The following MYO5A variants were observed in gnomAD, a reference collection of about 807,000 sequenced individuals.
The protein encoded by MYO5A is unconventional myosin-Va.
In MYO5A, 98 loss-of-function variants were observed where a neutral mutation model predicts 249.7. That is an observed-to-expected ratio of 0.39 (90% confidence interval 0.33 to 0.46). The LOEUF is 0.46. Ranked by LOEUF, MYO5A falls within the 20% of genes least tolerant of loss-of-function variation. The probability of loss-of-function intolerance (pLI) is 0.98; values close to 1 mark genes in which losing one functional copy is unlikely to be tolerated. For missense variants in MYO5A, 1,696 were observed against 2,308.8 expected (o/e 0.73, Z 5.44); for synonymous variants, 778 against 810.6 (o/e 0.96, Z 0.68).
At chr15:52,421,237 G>A (rs998541582) in intron 4 of MYO5A, among the ~76,000 whole-genome samples, 3 of 152,136 alleles carry the variant, frequency 2.0e-5, no homozygotes, top group Non-Finnish European at 2.9e-5. Flanking sequence ...CCAGTGAACC[G>A]CTGGACCGTG....
intron 22 of MYO5A, among the ~76,000 whole-genome samples, chr15:52,367,453 T>C (rs2040865238): frequency 6.6e-6 from 1 of 152,164 alleles, no homozygotes; most frequent in Non-Finnish European, 1.5e-5. Context: ...GGTTTTTTAC[T>C]TTACATTAAA....
intron 12 of MYO5A, among the ~76,000 whole-genome samples, chr15:52,390,817 T>G (rs1046583300): frequency 6.6e-6 from 1 of 152,050 alleles, no homozygotes; most frequent in Non-Finnish European, 1.5e-5. Flanking sequence ...CCTCAGCCTC[T>G]CAAAGTGCTG....
In MYO5A at chr15:52,353,614, C is replaced by G; in HGVS notation, c.3612G>C (p.Glu1204Asp). ...PQIRGAELEY[E>D]SLKRQELESE... ...AGAAACTCCCCATTACCTTGAGTGA[C>G]TCATATTCCAGTTCTGCACCTCTAA... The change falls in exon 27 of 42, where the codon GAG (glutamate) becomes GAC (aspartate). Residue 1204 changes from glutamate (E) to aspartate (D), a missense_variant. Glu to Asp is a conservative substitution (Grantham distance 45). Transcript: ENST00000399233. 6.2e-7 allele frequency: 1 copy of G among 1,614,016 alleles called. No homozygotes were observed. Among genetic ancestry groups the G allele is most frequent in the Non-Finnish European group, 8.5e-7 (1 of 1,179,858 alleles).
Position 52,433,073 on chromosome 15 carries a change from T to C in MYO5A, c.138+102A>G, listed in dbSNP as rs527574475. 123 of 892,830 alleles carry C rather than the reference T, an allele frequency of 1.4e-4. 1 individual carries two copies. The African/African-American group carries it at 1.9e-3, about 14-fold the overall frequency. 55.3% of individuals were successfully genotyped at this position (892,830 alleles called of 1,614,324 possible). On this transcript the variant is annotated intron_variant, in intron 2 of 41. Transcript: ENST00000399233. Reference sequence around the variant, plus strand: ...TTAGTAAGTAAAAATTCTAGGTAAGTTCAAAATTTAACTTCCATTGGGAGT... The same window carrying C: ...TTAGTAAGTAAAAATTCTAGGTAAGCTCAAAATTTAACTTCCATTGGGAGT...
chr15:52,448,723 T>C (rs755793703), intron 1 of MYO5A, among the ~76,000 whole-genome samples: 20 of 151,992 alleles, frequency 1.3e-4, no homozygotes, highest in Admixed American at 9.8e-4. Context: ...TGATAGCGAA[T>C]TATACCAAGA....
intron 1 of MYO5A, among the ~76,000 whole-genome samples, chr15:52,436,488 C>A (rs868338474): frequency 6.6e-6 from 1 of 152,220 alleles, no homozygotes; most frequent in South Asian, 2.1e-4. Flanking sequence ...TTCAGAGAGG[C>A]CTTCCCAGAC....
chr15:52,511,512 T>C (rs968222969), intron 1 of MYO5A, among the ~76,000 whole-genome samples: 3 of 152,238 alleles, frequency 2.0e-5, no homozygotes, highest in Non-Finnish European at 1.5e-5. Context: ...GAGGCTATCA[T>C]TCCATTAAAT....
chr15:52,417,118 T>C (rs1258521893), intron 4 of MYO5A, among the ~76,000 whole-genome samples: 2 of 152,090 alleles, frequency 1.3e-5, no homozygotes, highest in Non-Finnish European at 2.9e-5. Flanking sequence ...TACTTATAAA[T>C]TAAAAAATAA....
At position 52,307,981 on chromosome 15, in the gene MYO5A, C is replaced by T. The variant is rs544014533; in HGVS notation, c.*5715G>A. On this transcript the variant is annotated 3_prime_UTR_variant, in exon 42 of 42. Coordinates refer to ENST00000399233, the MANE Select transcript of MYO5A (RefSeq NM_001382347.1). ...AAAAAATAATGGCTCAAATGATTTA[C>T]GGAGCCTGAAATGTGGGCTAAAATT... 12 of 152,138 alleles carry T rather than the reference C, an allele frequency of 7.9e-5. No homozygotes were observed. Among genetic ancestry groups the T allele is most frequent in the African/African-American group, 2.4e-4 (10 of 41,508 alleles). 9.4% of individuals were successfully genotyped at this position (152,138 alleles called of 1,614,324 possible). A position where few individuals can be genotyped will look rare whatever the true frequency, so the allele number is the denominator to read the frequency against.
In MYO5A at chr15:52,330,333, C is replaced by A. The variant is rs771838040; in HGVS notation, c.4555+20G>T. ...CCCATGTGCCAGAAGGAACTTTTAT[C>A]CAATGCAGAAAATACTTGCCCAGAA... On this transcript the variant is annotated intron_variant, in intron 35 of 41. Coordinates refer to ENST00000399233, the MANE Select transcript of MYO5A (RefSeq NM_001382347.1). 6.2e-7 allele frequency: 1 copy of A among 1,613,996 alleles called. No individual in the cohort carries two copies. Among genetic ancestry groups the A allele is most frequent in the Non-Finnish European group, 8.5e-7 (1 of 1,179,914 alleles).
chr15:52,504,675 G>C (rs541793456), intron 1 of MYO5A, among the ~76,000 whole-genome samples: 56 of 152,246 alleles, frequency 3.7e-4, no homozygotes, highest in Admixed American at 3.3e-3. Flanking sequence ...ACCAAGGCGG[G>C]TGGATCGCGA....
At chr15:52,369,894 A>G (rs62016005) in intron 22 of MYO5A, among the ~76,000 whole-genome samples, 4 of 116,166 alleles carry the variant, frequency 3.4e-5, no homozygotes, top group Non-Finnish European at 5.2e-5. Flanking sequence ...TTTTTTTTTA[A>G]TATACAAGTG....
intron 1 of MYO5A, among the ~76,000 whole-genome samples, chr15:52,493,714 T>C (rs1397959230): frequency 6.6e-6 from 1 of 151,930 alleles, no homozygotes; most frequent in Non-Finnish European, 1.5e-5. Flanking sequence ...GCTTATACAA[T>C]AATATTATAC....
chr15:52,410,633 C>T (rs2043207019), intron 5 of MYO5A, among the ~76,000 whole-genome samples, 157 bp from the exon 6 acceptor site: 4 of 143,942 alleles, frequency 2.8e-5, no homozygotes. Flanking sequence ...TGTCACTAGG[C>T]TGGAGTGCAG....
chr15:52,387,461 T>G (rs2600903), intron 14 of MYO5A, among the ~76,000 whole-genome samples: 1 of 152,050 alleles, frequency 6.6e-6, no homozygotes, highest in Non-Finnish European at 1.5e-5. Flanking sequence ...CAAGGCACAA[T>G]AGAGTCTAGA....
intron 1 of MYO5A, among the ~76,000 whole-genome samples, chr15:52,438,579 G>A (rs894773268): frequency 6.6e-6 from 1 of 152,150 alleles, no homozygotes; most frequent in East Asian, 1.9e-4. Flanking sequence ...CTTTAAAGAT[G>A]GGGCTTGCAA....
chr15:52,523,140 C>T (rs1056773288), intron 1 of MYO5A, among the ~76,000 whole-genome samples: 4 of 152,198 alleles, frequency 2.6e-5, no homozygotes, highest in Non-Finnish European at 5.9e-5. Context: ...TCATACTACT[C>T]CTGCTCCTTC....
At chr15:52,398,685 G>A (rs771743299) in intron 9 of MYO5A, among the ~76,000 whole-genome samples, 6 of 152,022 alleles carry the variant, frequency 3.9e-5, no homozygotes, top group South Asian at 2.1e-4. Context: ...TTTAGAATTC[G>A]GCATCATTTA....
At chr15:52,319,497 G>C (rs556005685) in intron 38 of MYO5A, among the ~76,000 whole-genome samples, 155 bp from the exon 39 acceptor site, 4 of 152,196 alleles carry the variant, frequency 2.6e-5, no homozygotes, top group African/African-American at 9.7e-5. Flanking sequence ...GGAGGCCGCC[G>C]AGGTGGGTGG....
Sources: allele counts gnomAD v4.1 joint callset (sites outside exome capture counted in the v4.1 genomes callset), GRCh38; gene constraint gnomAD v4.1.1; transcripts MANE v1.5; gene names NCBI Gene and HGNC (gene_info 2026-07-23, HGNC 2026-07-21).